FANCA: variants seen among roughly 807,000 people sequenced by gnomAD.
FANCA encodes the protein FA complementation group A.
Under a neutral mutation model 194.3 loss-of-function variants are expected in FANCA, and 236 were observed. The ratio of observed to expected loss-of-function variants is 1.21; its 90% CI spans 1.09 to 1.35. FANCA has a LOEUF of 1.35. Ranked by LOEUF, FANCA falls within the 40% of genes most tolerant of loss-of-function variation. The probability of loss-of-function intolerance (pLI) is 0.00; values close to 1 mark genes in which losing one functional copy is unlikely to be tolerated. For missense variants in FANCA, 2,628 were observed against 1,813.9 expected, an observed-to-expected ratio of 1.45 and a Z score of -8.15; for synonymous variants, 1,014 against 715.8, an observed-to-expected ratio of 1.42 and a Z score of -6.65.
chr16:89,785,261 TC>T (rs1178853755), intron 14 of FANCA, among the ~76,000 whole-genome samples: 1 of 152,252 alleles, frequency 6.6e-6, no homozygotes, highest in African/African-American at 2.4e-5. Context: ...TAAAAGTTAT[TC>T]GAAGAAAAAC....
intron 33 of FANCA, among the ~76,000 whole-genome samples, chr16:89,747,370 G>C (rs1424126027): frequency 6.6e-6 from 1 of 152,186 alleles, no homozygotes; most frequent in Admixed American, 6.6e-5. Flanking sequence ...TTTTCTGAAA[G>C]CTTTTGCTAG....
rs528805811 is a variant in FANCA, at chr16:89,788,615, G to A, written c.1359+2788C>T. ...AATCTGAGACCAGCCTGAGCAACAC[G>A]GTATGACATTGTATTTACAAAAAAA... is the stretch of plus-strand genomic sequence containing the variant. On this transcript the variant is annotated intron_variant, in intron 14 of 42. Coordinates refer to ENST00000389301, the MANE Select transcript of FANCA (RefSeq NM_000135.4). Among the ~76,000 whole-genome samples, 11 of 152,150 alleles carry A rather than the reference G, an allele frequency of 7.2e-5. No individual in the cohort carries two copies. The South Asian group carries it at 1.9e-3, about 26-fold the overall frequency.
chr16:89,815,774 G>A (rs2041088897), intron 2 of FANCA, 103 bp downstream of exon 2: 5 of 979,174 alleles, frequency 5.1e-6, no homozygotes, highest in Admixed American at 3.4e-5. Flanking sequence ...CCAGGCCACC[G>A]CGCCCGCCGC....
At chr16:89,747,121 A>G (rs56262711) in intron 33 of FANCA, among the ~76,000 whole-genome samples, 16 of 152,296 alleles carry the variant, frequency 1.1e-4, no homozygotes, top group East Asian at 3.9e-4. Flanking sequence ...CTCTGGCCCA[A>G]ACAGTCTTGT....
In FANCA at chr16:89,770,550, G is replaced by T. The variant is rs368973617; in HGVS notation, c.2222+14C>A. 2.9e-5 allele frequency: 47 copies of T among 1,596,968 alleles called. 1 individual carries two copies. The highest frequency in any genetic ancestry group is 3.8e-5 in the Non-Finnish European group (45 of 1,171,530). On this transcript the variant is annotated intron_variant, in intron 24 of 42. Coordinates refer to ENST00000389301, the MANE Select transcript of FANCA (RefSeq NM_000135.4). ...GAGGAGCCCCACCACTCAGGGAGCT[G>T]CCCGCGCCTTCACCTCTCCGGGGGA...
chr16:89,811,462 C>G (rs1469893079), intron 3 of FANCA, among the ~76,000 whole-genome samples: 1 of 152,104 alleles, frequency 6.6e-6, no homozygotes, highest in Non-Finnish European at 1.5e-5. Flanking sequence ...ATAAGCCTGC[C>G]CCTGTTGACT....
In FANCA at chr16:89,738,644, G is replaced by C. The variant is rs144171225; in HGVS notation, c.4325C>G (p.Ala1442Gly). The change falls in exon 43 of 43, where the codon GCT becomes GGT. Residue 1442 changes from alanine (A) to glycine (G), a missense_variant. Ala to Gly is a moderately conservative substitution (Grantham distance 60). Coordinates refer to ENST00000389301, the MANE Select transcript of FANCA (RefSeq NM_000135.4). The part of the protein sequence containing the change: ...VSAALQSRQQ[A>G]APDADLSQEP... ...CTGGGACAGGTCAGCGTCAGGGGCA[G>C]CCTGCTGTCTGCTCTGGAGGGCGGC... 9.3e-6 allele frequency: 15 copies of C among 1,613,698 alleles called. No individual in the cohort carries two copies. The African/African-American group carries it at 1.7e-4, about 19-fold the overall frequency.
At chr16:89,802,264 C>CT (rs1472246468) in intron 8 of FANCA, among the ~76,000 whole-genome samples, 9 of 148,808 alleles carry the variant, frequency 6.0e-5, no homozygotes, top group African/African-American at 2.3e-4. Flanking sequence ...CCACGCCCGG[C>CT]TATTTTTTTT....
At chr16:89,792,773 T>A (rs2040120281) in intron 11 of FANCA, 1 of 478,364 alleles carries the variant, frequency 2.1e-6, no homozygotes, top group Admixed American at 3.0e-5. Context: ...TGTCTGGTTG[T>A]GCTGTTATTT....
intron 28 of FANCA, among the ~76,000 whole-genome samples, chr16:89,763,884 G>T (rs1296098182): frequency 6.7e-6 from 1 of 149,980 alleles, no homozygotes; most frequent in Non-Finnish European, 1.5e-5. Context: ...AGTGAGCCAA[G>T]ATTGCGCCAC....
At chr16:89,805,477 T>C in intron 6 of FANCA, 85 bp from the exon 7 acceptor site, 2 of 1,063,906 alleles carry the variant, frequency 1.9e-6, no homozygotes, top group South Asian at 1.3e-5. Context: ...CCCAATTTTT[T>C]TTTTGAGACA....
In FANCA at chr16:89,811,788, C is replaced by T. The variant is rs528839094; in HGVS notation, c.284-717G>A. ...CACTGCCGCCTGGACTGAAGTGCAA[C>T]GGCGCCATCTCAGCTCACTGCAACC... is the stretch of plus-strand genomic sequence containing the variant. On this transcript the variant is annotated intron_variant, in intron 3 of 42. Coordinates refer to ENST00000389301, the MANE Select transcript of FANCA (RefSeq NM_000135.4). Among the ~76,000 whole-genome samples, 40 of 152,202 alleles carry T rather than the reference C, an allele frequency of 2.6e-4. No homozygotes were observed. The South Asian group carries it at 5.0e-3, about 19-fold the overall frequency.
chr16:89,795,900 G>C lies in FANCA; in HGVS notation c.1006+6C>G. On this transcript the variant is annotated splice_donor_region_variant and intron_variant, in intron 11 of 42. Coordinates refer to ENST00000389301, the MANE Select transcript of FANCA (RefSeq NM_000135.4). ...AGCAACTGAGCAGCCTCCACACTGG[G>C]CCTACCTTTCAGCACAGGGCTGTGA... The C allele has an allele frequency of 6.2e-7, 1 of 1,605,890 alleles. No homozygotes were observed. The highest frequency in any genetic ancestry group is 8.5e-7 in the Non-Finnish European group (1 of 1,172,486).
intron 11 of FANCA, 103 bp from the exon 12 acceptor site, chr16:89,792,650 G>A (rs577468720): frequency 4.5e-6 from 4 of 889,952 alleles, no homozygotes; most frequent in Admixed American, 2.0e-5. Context: ...CTCCCCGTGT[G>A]CGGCGACGAG....
chr16:89,771,654 T>G, intron 23 of FANCA, 24 bp downstream of exon 23: 1 of 1,613,774 alleles, frequency 6.2e-7, no homozygotes, highest in Non-Finnish European at 8.5e-7. Context: ...GACCCCCTGC[T>G]TTGTTCTGAG....
At chr16:89,779,600 C>T (rs967285417) in intron 18 of FANCA, among the ~76,000 whole-genome samples, 6 of 152,214 alleles carry the variant, frequency 3.9e-5, no homozygotes, top group Admixed American at 3.3e-4. Flanking sequence ...ATGCACAGCT[C>T]TTGACCTCAC....
chr16:89,805,539 C>A (rs2040609606), intron 6 of FANCA, 147 bp from the exon 7 acceptor site: 1 of 653,486 alleles, frequency 1.5e-6, no homozygotes, highest in Non-Finnish European at 2.8e-6. Context: ...AGTCACTGCA[C>A]CCTCGACCTC....
intron 20 of FANCA, among the ~76,000 whole-genome samples, chr16:89,776,921 T>C (rs757548003): frequency 1.3e-5 from 2 of 151,914 alleles, no homozygotes; most frequent in Admixed American, 6.6e-5. Flanking sequence ...CTTAACATGA[T>C]AAAGGGTAAG....
Position 89,740,009 on chromosome 16 carries a change from G to C in FANCA, c.3919C>G (p.Gln1307Glu), listed in dbSNP as rs763626782. The change falls in exon 39 of 43, where the codon CAG becomes GAG. Residue 1307 changes from glutamine to glutamate, a missense_variant. Transcript: ENST00000389301. ...KRKISWLALF[Q>E]LTESDLRLGR... ...TGTTTCTTACCACTCTCTGTCAACT[G>C]AAAGAGTGCCAGCCAGGATATCTTC... The C allele has an allele frequency of 6.2e-7, 1 of 1,614,082 alleles. No individual in the cohort carries two copies. The highest frequency in any genetic ancestry group is 1.3e-5 in the African/African-American group (1 of 74,940).
Sources: allele counts gnomAD v4.1 joint callset (sites outside exome capture counted in the v4.1 genomes callset), GRCh38; gene constraint gnomAD v4.1.1; transcripts MANE v1.5; gene names NCBI Gene and HGNC (gene_info 2026-07-23, HGNC 2026-07-21).